NKAIN2: variants seen among roughly 807,000 people sequenced by gnomAD.
NKAIN2 encodes the protein sodium/potassium-transporting ATPase subunit beta-1-interacting protein 2.
A neutral mutation model predicts 32.6 loss-of-function variants in NKAIN2; 14 were observed. The observed-to-expected ratio is 0.43, with a 90% CI of 0.28 to 0.67. The LOEUF (loss-of-function observed/expected upper bound fraction) is 0.67, where lower values mean the gene tolerates loss of function less well. Ranked by LOEUF, NKAIN2 falls within the 30% of genes least tolerant of loss-of-function variation. NKAIN2 has a pLI of 0.17. For missense variants in NKAIN2, 198 were observed against 258.3 expected (o/e 0.77, Z 1.60); for synonymous variants, 80 against 87.2 (o/e 0.92, Z 0.46).
intron 4 of NKAIN2, among the ~76,000 whole-genome samples, chr6:124,731,519 T>A (rs1490483534): frequency 1.6e-5 from 2 of 122,366 alleles, no homozygotes; most frequent in African/African-American, 6.4e-5. Flanking sequence ...TGAGATCACA[T>A]GGACACAGGA....
chr6:124,410,261 C>G (rs1444713926), intron 3 of NKAIN2, among the ~76,000 whole-genome samples: 1 of 151,988 alleles, frequency 6.6e-6, no homozygotes, highest in East Asian at 1.9e-4. Context: ...GCTCTTGCTT[C>G]TCTAGTTCTT....
chr6:124,759,782 A>T (rs1778171895), intron 4 of NKAIN2, among the ~76,000 whole-genome samples: 2 of 151,872 alleles, frequency 1.3e-5, no homozygotes, highest in Non-Finnish European at 1.5e-5. Flanking sequence ...CAGCGTTGGG[A>T]GGTGGAGCCT....
intron 4 of NKAIN2, among the ~76,000 whole-genome samples, chr6:124,660,421 A>G (rs1289963857): frequency 6.6e-6 from 1 of 152,254 alleles, no homozygotes; most frequent in African/African-American, 2.4e-5. Flanking sequence ...ACGTGGGGGC[A>G]TATGTTGAAG....
intron 1 of NKAIN2, among the ~76,000 whole-genome samples, chr6:124,068,709 GC>G (rs1165937534): frequency 6.6e-6 from 1 of 151,898 alleles, no homozygotes; most frequent in Non-Finnish European, 1.5e-5. Flanking sequence ...ATGTTCTACT[GC>G]CCTCTGAGCT....
At chr6:124,176,094 T>C (rs991028900) in intron 1 of NKAIN2, among the ~76,000 whole-genome samples, 1 of 152,210 alleles carries the variant, frequency 6.6e-6, no homozygotes, top group African/African-American at 2.4e-5. Context: ...CTTTTGGTTT[T>C]CCAGTACATA....
At chr6:124,679,995 G>A (rs1773539495) in intron 4 of NKAIN2, among the ~76,000 whole-genome samples, 2 of 152,032 alleles carry the variant, frequency 1.3e-5, no homozygotes, top group African/African-American at 4.8e-5. Context: ...AAATAGATAA[G>A]AAAGCAAGAG....
intron 1 of NKAIN2, among the ~76,000 whole-genome samples, chr6:124,089,980 T>C (rs2114925670): frequency 6.6e-6 from 1 of 152,082 alleles, no homozygotes; most frequent in South Asian, 2.1e-4. Flanking sequence ...ATGTACATAC[T>C]CCATTATGAA....
chr6:124,566,248 A>G lies in NKAIN2; in HGVS notation c.274-91938A>G, dbSNP rs1028084896. Among the ~76,000 whole-genome samples the G allele has an allele frequency of 2.0e-5, 3 of 152,198 alleles. No individual in the cohort carries two copies. In the South Asian group the frequency reaches 6.2e-4, roughly 32 times the overall value. On this transcript the variant is annotated intron_variant, in intron 3 of 6. Coordinates refer to ENST00000368417, the MANE Select transcript of NKAIN2 (RefSeq NM_001040214.3). The stretch of plus-strand genomic sequence containing the variant: ...CTTTCTTTTAGCTCCACCATACCCC[A>G]ACCACAAAATCTGGTAGAGATATTG...
At chr6:124,053,875 C>T (rs1034116800) in intron 1 of NKAIN2, among the ~76,000 whole-genome samples, 2 of 151,868 alleles carry the variant, frequency 1.3e-5, no homozygotes, top group Admixed American at 6.6e-5. Flanking sequence ...AATTGTTACC[C>T]ATACAAATTT....
intron 3 of NKAIN2, among the ~76,000 whole-genome samples, chr6:124,632,324 G>A (rs1301202111): frequency 6.6e-6 from 1 of 152,154 alleles, no homozygotes; most frequent in African/African-American, 2.4e-5. Flanking sequence ...GGAAGGAAGT[G>A]TATATTTTAA....
chr6:123,982,942 C>T (rs1307225992), intron 1 of NKAIN2, among the ~76,000 whole-genome samples: 1 of 151,968 alleles, frequency 6.6e-6, no homozygotes, highest in Non-Finnish European at 1.5e-5. Flanking sequence ...CTCTCCATTC[C>T]CTATTCCTTC....
intron 2 of NKAIN2, among the ~76,000 whole-genome samples, chr6:124,311,993 C>G (rs1008536809): frequency 5.9e-5 from 9 of 152,042 alleles, no homozygotes; most frequent in African/African-American, 2.2e-4. Context: ...TAATTCTAAC[C>G]CCTGTCAACC....
intron 3 of NKAIN2, among the ~76,000 whole-genome samples, chr6:124,480,407 T>C (rs1412577161): frequency 6.6e-6 from 1 of 152,162 alleles, no homozygotes; most frequent in Non-Finnish European, 1.5e-5. Context: ...GCCTACGGTA[T>C]GTGGCAAGGA....
intron 1 of NKAIN2, among the ~76,000 whole-genome samples, chr6:124,057,260 C>A (rs1782698731): frequency 6.6e-6 from 1 of 152,036 alleles, no homozygotes; most frequent in Non-Finnish European, 1.5e-5. Context: ...GTGAACCAAA[C>A]AGGTTGTTCT....
At chr6:124,566,937 C>T (rs1780937768) in intron 3 of NKAIN2, among the ~76,000 whole-genome samples, 2 of 152,222 alleles carry the variant, frequency 1.3e-5, no homozygotes, top group East Asian at 3.9e-4. Context: ...GTTTGTAAAA[C>T]ACTCATCAAT....
chr6:124,173,264 G>T (rs944333701), intron 1 of NKAIN2, among the ~76,000 whole-genome samples: 1 of 151,884 alleles, frequency 6.6e-6, no homozygotes, highest in East Asian at 1.9e-4. Flanking sequence ...AAAATGATTC[G>T]GTTGATTCTT....
At chr6:123,851,665 G>A (rs1178478867) in intron 1 of NKAIN2, among the ~76,000 whole-genome samples, 1 of 152,014 alleles carries the variant, frequency 6.6e-6, no homozygotes, top group Non-Finnish European at 1.5e-5. Context: ...AGACTTGTTA[G>A]TTTCATCTTT....
rs1781765668 is a variant in NKAIN2 at position 124,039,483 on chromosome 6, A to G, written c.54+235229A>G. ...GTTATTATTTTACATCTTCATGTAG[A>G]CTACAGAAATTTCTTAATTCTACAT... On this transcript the variant is annotated intron_variant, in intron 1 of 6. Coordinates refer to ENST00000368417, the MANE Select transcript of NKAIN2 (RefSeq NM_001040214.3). Among the ~76,000 whole-genome samples, 7 of 151,990 alleles carry G rather than the reference A, an allele frequency of 4.6e-5. No individual in the cohort carries two copies. In the South Asian group the frequency reaches 1.4e-3, roughly 31 times the overall value.
intron 3 of NKAIN2, among the ~76,000 whole-genome samples, chr6:124,450,362 T>C (rs1776052310): frequency 6.6e-6 from 1 of 152,084 alleles, no homozygotes; most frequent in East Asian, 1.9e-4. Flanking sequence ...GTTAGCAATT[T>C]ACCATTCTTA....
Sources: gnomAD v4.1 joint callset for allele counts (sites outside exome capture counted in the v4.1 genomes callset) on GRCh38, gnomAD v4.1.1 for gene constraint, MANE v1.5 for transcripts, NCBI Gene and HGNC (gene_info 2026-07-23, HGNC 2026-07-21) for gene names.